TLN1: variants seen among roughly 807,000 people sequenced by gnomAD.
TLN1 encodes the protein talin-1.
In TLN1, 56 loss-of-function variants were observed where a neutral mutation model predicts 292.3. The ratio of observed to expected loss-of-function variants is 0.19; its 90% CI spans 0.15 to 0.24. The LOEUF is 0.24. TLN1 is among the 10% of genes least tolerant of loss of function. The pLI is 1.00. For missense variants in TLN1, 2,433 were observed against 3,248.2 expected (o/e 0.75, Z 6.10); for synonymous variants, 1,119 against 1,253.7 (o/e 0.89, Z 2.27).
chr9:35,716,240 G>T, intron 20 of TLN1, 150 bp downstream of exon 20: 1 of 796,510 alleles, frequency 1.3e-6, no homozygotes, highest in Non-Finnish European at 1.9e-6. Flanking sequence ...CCACAGCCTT[G>T]GGGCTCATTC....
chr9:35,716,571 C>T lies in TLN1; in HGVS notation c.2459-15G>A. On this transcript the variant is annotated splice_polypyrimidine_tract_variant and intron_variant, in intron 19 of 56. Transcript: ENST00000314888. ...CACCATCTCCCCTGAGAGCATAGGG[C>T]ACAGTCAGGCGAGGAAGCCAGAGAC... 1 of 1,611,542 alleles carries T rather than the reference C, an allele frequency of 6.2e-7. No individual in the cohort carries two copies. Among genetic ancestry groups the T allele is most frequent in the Non-Finnish European group, 8.5e-7 (1 of 1,178,442 alleles).
In TLN1 at chr9:35,724,626, G is replaced by A; in HGVS notation, c.457C>T (p.Arg153Ter). Residue 153 changes from arginine to a stop codon, truncating the protein, a stop_gained, in exon 5 of 57, where the codon CGA becomes TGA. Transcript: ENST00000314888. LOFTEE classifies it high-confidence loss of function. The surrounding 1 kb of genome is among the most constrained non-coding windows in gnomAD (Gnocchi z 4.7). The stretch of plus-strand genomic sequence containing the variant: ...AGTTTCTCCATCTTCTTTTCATCTC[G>A]CAGCAATGTCTTGTCCTTTCTTAAG... ...GTLRKDKTLL[R>*]DEKKMEKLKQ... The A allele has an allele frequency of 6.2e-7, 1 of 1,613,928 alleles. No individual in the cohort carries two copies. Among genetic ancestry groups the A allele is most frequent in the Non-Finnish European group, 8.5e-7 (1 of 1,179,998 alleles).
In TLN1 at chr9:35,714,651, C is replaced by T. The variant is rs371183695; in HGVS notation, c.2908G>A (p.Val970Ile). ...TCAGGCTGGGCTTGGCTTCCTCGGA[C>T]GCCCTGCACCAGCAGTGGAATCTGC... Reference protein sequence around the residue: ...AEQIPLLVQGVRGSQAQPDSP... With the variant: ...AEQIPLLVQGIRGSQAQPDSP... The change falls in exon 23 of 57, where the codon GTC becomes ATC. Residue 970 changes from valine to isoleucine, a missense_variant. Physicochemically the swap from Val to Ile is conservative, Grantham distance 29. This residue lies in a region of TLN1 where 617 missense variants were observed against 770.6 expected (regional missense o/e 0.80). Coordinates refer to ENST00000314888, the MANE Select transcript of TLN1 (RefSeq NM_006289.4). The surrounding 1 kb of genome is among the most constrained non-coding windows in gnomAD (Gnocchi z 4.6). 8 of 1,613,776 alleles carry T rather than the reference C, an allele frequency of 5.0e-6. No individual in the cohort carries two copies. Among genetic ancestry groups the T allele is most frequent in the African/African-American group, 2.7e-5 (2 of 74,908 alleles).
At position 35,699,225 on chromosome 9, in the gene TLN1, G is replaced by A. The variant is rs1216887157; in HGVS notation, c.6875-69C>T. On this transcript the variant is annotated intron_variant, in intron 51 of 56. Coordinates refer to ENST00000314888, the MANE Select transcript of TLN1 (RefSeq NM_006289.4). This position sits in a 1 kb window ranked among gnomAD's most constrained non-coding sequence, Gnocchi z 4.0. The stretch of plus-strand genomic sequence containing the variant: ...GAGGTCAAAAGCACCAGGGAGCATG[G>A]TTAGTATCATCAGGCCCTGGCATCT... 10 of 1,571,392 alleles carry A rather than the reference G, an allele frequency of 6.4e-6. No homozygotes were observed. Among genetic ancestry groups the A allele is most frequent in the Non-Finnish European group, 8.6e-6 (10 of 1,157,294 alleles).
Position 35,720,813 on chromosome 9 carries a change from T to C in TLN1, c.1205A>G (p.Lys402Arg), listed in dbSNP as rs780941031. The C allele has an allele frequency of 6.2e-7, 1 of 1,613,986 alleles. No homozygotes were observed. Among genetic ancestry groups the C allele is most frequent in the Non-Finnish European group, 8.5e-7 (1 of 1,179,888 alleles). Reference sequence around the variant, plus strand: ...AAGGCTAGGGCAGGCAGTGCTCACCTTCTTCAGGATGATATCGATGTAGCC... The same window carrying C: ...AAGGCTAGGGCAGGCAGTGCTCACCCTCTTCAGGATGATATCGATGTAGCC... ...IAGYIDIILK[K>R]KKSKDHFGLE... Residue 402 changes from lysine (K) to arginine (R), a missense_variant and splice_region_variant, in exon 11 of 57, where the codon AAG becomes AGG. Transcript: ENST00000314888.
In TLN1 at chr9:35,717,902, C is replaced by T. The variant is rs1825813429; in HGVS notation, c.1996-116G>A. ...TGATCCAATCAAAGGAGAGTGTACGCAGAAGCAACCAGAACCTACCCCGAG... is the reference window on the plus strand; with the variant it reads ...TGATCCAATCAAAGGAGAGTGTACGTAGAAGCAACCAGAACCTACCCCGAG... On this transcript the variant is annotated intron_variant, in intron 17 of 56. Transcript: ENST00000314888. The surrounding 1 kb of genome is among the most constrained non-coding windows in gnomAD (Gnocchi z 4.7). The T allele has an allele frequency of 3.8e-5, 48 of 1,251,872 alleles. No individual in the cohort carries two copies. In the South Asian group the frequency reaches 6.6e-4, roughly 17 times the overall value. The allele number at this position is 1,251,872 out of a possible 1,614,324, so 77.5% of individuals were successfully genotyped here. A position where few individuals can be genotyped will look rare whatever the true frequency, so the allele number is the denominator to read the frequency against.
In TLN1 at chr9:35,717,183, G is replaced by A. The variant is rs187851899; in HGVS notation, c.2421C>T (p.Thr807=). 1.7e-4 allele frequency: 279 copies of A among 1,611,388 alleles called. 1 individual carries two copies. In the East Asian group the frequency reaches 4.5e-3, roughly 26 times the overall value. ...TGGAGCTAAAGATGTTCTCAGTGAC[G>A]GTTAGGATGGTGTCAGTAGCCTGGT... The part of the protein sequence containing the change: ...RYDQATDTIL[T]VTENIFSSMG... Residue 807 remains threonine (T), a synonymous_variant, in exon 19 of 57, where the codon ACC becomes ACT. Transcript: ENST00000314888. The surrounding 1 kb of genome is among the most constrained non-coding windows in gnomAD (Gnocchi z 4.7).
Position 35,710,691 on chromosome 9 carries a change from A to G in TLN1, c.4204-8T>C. On this transcript the variant is annotated splice_region_variant and splice_polypyrimidine_tract_variant and intron_variant, in intron 32 of 56. Coordinates refer to ENST00000314888, the MANE Select transcript of TLN1 (RefSeq NM_006289.4). The stretch of plus-strand genomic sequence containing the variant: ...CATGGCCTCGCCCAGCACCTGAGGA[A>G]CAGAGGACATCAGGGGAGTCAGAGC... 6.2e-7 allele frequency: 1 copy of G among 1,614,140 alleles called. No homozygotes were observed. The highest frequency in any genetic ancestry group is 1.1e-5 in the South Asian group (1 of 91,072).
rs747312464 is a variant in TLN1, at chr9:35,706,380, T to C, written c.5191-14A>G. 46 of 1,610,546 alleles carry C rather than the reference T, an allele frequency of 2.9e-5. No homozygotes were observed. Among genetic ancestry groups the C allele is most frequent in the Non-Finnish European group, 3.4e-6 (4 of 1,178,088 alleles). ...CATCTGGGACACCTGAGGCAAGGGGTTGGACTAGGGGTCAGGTCCCCTCTC... is the reference window on the plus strand; with the variant it reads ...CATCTGGGACACCTGAGGCAAGGGGCTGGACTAGGGGTCAGGTCCCCTCTC... On this transcript the variant is annotated splice_polypyrimidine_tract_variant and intron_variant, in intron 39 of 56. Coordinates refer to ENST00000314888, the MANE Select transcript of TLN1 (RefSeq NM_006289.4). The surrounding 1 kb of genome is among the most constrained non-coding windows in gnomAD (Gnocchi z 4.2).
chr9:35,708,432 C>T lies in TLN1; in HGVS notation c.4379G>A (p.Gly1460Glu). 2 of 1,607,976 alleles carry T rather than the reference C, an allele frequency of 1.2e-6. No homozygotes were observed. Among genetic ancestry groups the T allele is most frequent in the South Asian group, 1.1e-5 (1 of 90,442 alleles). Residue 1460 changes from glycine to glutamate, a missense_variant, in exon 34 of 57, where the codon GGG becomes GAG. Around this residue, in one of 7 missense-constraint regions of TLN1, gnomAD observed 1,384 missense variants for 1,699.6 expected, o/e 0.81. Coordinates refer to ENST00000314888, the MANE Select transcript of TLN1 (RefSeq NM_006289.4). Reference sequence around the variant, plus strand: ...GGCAAACTGTGTGGGCTCCACTAGCCCTTGCTGTCCAGCTTGGCTATTGGG... The same window carrying T: ...GGCAAACTGTGTGGGCTCCACTAGCTCTTGCTGTCCAGCTTGGCTATTGGG... Reference protein sequence around the residue: ...SDPNSQAGQQGLVEPTQFARA... With the variant: ...SDPNSQAGQQELVEPTQFARA...
chr9:35,724,469 G>T lies in TLN1; in HGVS notation c.511+103C>A, dbSNP rs1423934928. 1.3e-6 allele frequency: 2 copies of T among 1,559,646 alleles called. No homozygotes were observed. Among genetic ancestry groups the T allele is most frequent in the African/African-American group, 2.7e-5 (2 of 73,386 alleles). ...GAGTGTAGGACTTTGTTTTCTCACT[G>T]ATGTATCCCCAGGGTGTAAAACAGT... On this transcript the variant is annotated intron_variant, in intron 5 of 56. Transcript: ENST00000314888. The surrounding 1 kb of genome is among the most constrained non-coding windows in gnomAD (Gnocchi z 4.7).
chr9:35,712,875 C>T lies in TLN1; in HGVS notation c.3521G>A (p.Gly1174Asp), dbSNP rs878857179. 6.3e-7 allele frequency: 1 copy of T among 1,595,714 alleles called. No individual in the cohort carries two copies. Among genetic ancestry groups the T allele is most frequent in the East Asian group, 2.3e-5 (1 of 44,172 alleles). ...SLIEEAKKAA[G>D]HPGDPESQQR... ...CTGGCTCTCAGGGTCCCCTGGATGG[C>T]CAGCTGCCTTTTTCGCCTCCTCAAT... The change falls in exon 27 of 57, where the codon GGC becomes GAC. Residue 1174 changes from glycine to aspartate, a missense_variant. Coordinates refer to ENST00000314888, the MANE Select transcript of TLN1 (RefSeq NM_006289.4).
At chr9:35,708,073 GGGAGA>G (rs1825596885) in intron 34 of TLN1, 181 bp from the exon 35 acceptor site, 1 of 767,640 alleles carries the variant, frequency 1.3e-6, no homozygotes, top group African/African-American at 1.7e-5. Flanking sequence ...AACTGGGCAT[GGGAGA>G]GGAAAGACAT....
chr9:35,700,463 G>C, intron 48 of TLN1, 87 bp from the exon 49 acceptor site: 2 of 1,363,062 alleles, frequency 1.5e-6, no homozygotes, highest in Admixed American at 4.5e-5. Context: ...ATTTGGTGCA[G>C]ACATTCACAC....
Position 35,713,185 on chromosome 9 carries a change from T to G in TLN1, c.3352+11A>C, listed in dbSNP as rs1177387782. 1 of 1,588,814 alleles carries G rather than the reference T, an allele frequency of 6.3e-7. No homozygotes were observed. Among genetic ancestry groups the G allele is most frequent in the African/African-American group, 1.3e-5 (1 of 74,616 alleles). Reference sequence around the variant, plus strand: ...ACAATATGCCCCATGCCTGGCTCTCTGCCCACATACCTGCATAATTCTCAT... The same window carrying G: ...ACAATATGCCCCATGCCTGGCTCTCGGCCCACATACCTGCATAATTCTCAT... On this transcript the variant is annotated intron_variant, in intron 26 of 56. Transcript: ENST00000314888.
chr9:35,724,530 C>A lies in TLN1; in HGVS notation c.511+42G>T, dbSNP rs1174943390. 1 of 1,599,028 alleles carries A rather than the reference C, an allele frequency of 6.3e-7. No individual in the cohort carries two copies. The highest frequency in any genetic ancestry group is 1.1e-5 in the South Asian group (1 of 89,078). The stretch of plus-strand genomic sequence containing the variant: ...AGCAGATGCTGAAGCCCCTTCCCAC[C>A]CTTCCCATTTCAAAAGCCCTCTTTT... On this transcript the variant is annotated intron_variant, in intron 5 of 56. Transcript: ENST00000314888. This position sits in a 1 kb window ranked among gnomAD's most constrained non-coding sequence, Gnocchi z 4.7.
intron 9 of TLN1, 46 bp downstream of exon 9, chr9:35,722,073 C>A: frequency 6.5e-7 from 1 of 1,548,114 alleles, no homozygotes; most frequent in Non-Finnish European, 8.9e-7. Flanking sequence ...CAGAAAAGGG[C>A]AAGAGTGGGA....
Position 35,714,620 on chromosome 9 carries a change from G to C in TLN1, c.2939C>G (p.Pro980Arg), listed in dbSNP as rs1460030272. The change falls in exon 23 of 57, where the codon CCC becomes CGC. Residue 980 changes from proline to arginine, a missense_variant. Transcript: ENST00000314888. The surrounding 1 kb of genome is among the most constrained non-coding windows in gnomAD (Gnocchi z 4.6). ...VRGSQAQPDS[P>R]SAQLALIAAS... ...AGCAATGAGGGCAAGCTGAGCGCTG[G>C]GGCTGTCAGGCTGGGCTTGGCTTCC... is the stretch of plus-strand genomic sequence containing the variant. 4 of 1,613,178 alleles carry C rather than the reference G, an allele frequency of 2.5e-6. No individual in the cohort carries two copies. The highest frequency in any genetic ancestry group is 3.4e-6 in the Non-Finnish European group (4 of 1,180,024).
In TLN1 at chr9:35,697,698, G is replaced by C; in HGVS notation, c.*93C>G. ...TGGCAGGCACTTTGGGGAGTGCTGGGGTTGGGCAGGTTGGGCCCCGACAGC... is the reference window on the plus strand; with the variant it reads ...TGGCAGGCACTTTGGGGAGTGCTGGCGTTGGGCAGGTTGGGCCCCGACAGC... On this transcript the variant is annotated 3_prime_UTR_variant, in exon 57 of 57. Transcript: ENST00000314888. 1 of 1,545,548 alleles carries C rather than the reference G, an allele frequency of 6.5e-7. No individual in the cohort carries two copies. Among genetic ancestry groups the C allele is most frequent in the Non-Finnish European group, 8.7e-7 (1 of 1,143,412 alleles).
Sources: gnomAD v4.1 joint callset for allele counts on GRCh38, gnomAD v4.1.1 for gene constraint, gnomAD v4.1.1 regional missense constraint, Gnocchi (gnomAD v3.1) non-coding constraint, MANE v1.5 for transcripts, NCBI Gene and HGNC (gene_info 2026-07-23, HGNC 2026-07-21) for gene names.